TCF7L2: variants seen among roughly 807,000 people sequenced by gnomAD.
TCF7L2 encodes transcription factor 7-like 2.
A neutral mutation model predicts 77.9 loss-of-function variants in TCF7L2; 23 were observed. That is an observed-to-expected ratio of 0.30 (90% CI 0.21 to 0.42). The LOEUF is 0.42. Ranked by LOEUF, TCF7L2 falls within the 10% of genes least tolerant of loss-of-function variation. TCF7L2 has a pLI of 1.00. For synonymous variants in TCF7L2, 413 were observed against 340.2 expected, an observed-to-expected ratio of 1.21 and a Z score of -2.36; for missense variants, 654 against 793.1, an observed-to-expected ratio of 0.82 and a Z score of 2.11.
In TCF7L2 at chr10:113,165,849, T is replaced by G. The variant is rs191419844; in HGVS notation, c.1686T>G (p.Ala562=). The change falls in exon 14 of 14, where the codon GCT becomes GCG. Residue 562 remains alanine (A), a synonymous_variant. Coordinates refer to ENST00000627217, the MANE Select transcript of TCF7L2 (RefSeq NM_001146274.2). Reference sequence around the variant, plus strand: ...GGGCCCTGGACCTGCCCCCAGCCGCTTTGCAGCCTGCCGCCCCCTCCTCAT... The same window carrying G: ...GGGCCCTGGACCTGCCCCCAGCCGCGTTGCAGCCTGCCGCCCCCTCCTCAT... 2.5e-4 allele frequency: 399 copies of G among 1,607,886 alleles called. 4 individuals carry two copies. The East Asian group carries it at 7.8e-3, about 32-fold the overall frequency.
rs1401953744 is a variant in TCF7L2 at position 113,060,644 on chromosome 10, A to G, written c.552+20518A>G. ...AGTCACTTCCTTAACCCAAATTACA[A>G]GCTAGAGCACAACTCCCCAGCCATA... is the stretch of plus-strand genomic sequence containing the variant. On this transcript the variant is annotated intron_variant, in intron 5 of 13. Coordinates refer to ENST00000627217, the MANE Select transcript of TCF7L2 (RefSeq NM_001146274.2). 3.3e-5 allele frequency among the ~76,000 whole-genome samples: 5 copies of G among 152,154 alleles called. No individual in the cohort carries two copies. In the East Asian group the frequency reaches 9.7e-4, roughly 29 times the overall value.
chr10:113,079,138 A>G (rs1403712479), intron 5 of TCF7L2, among the ~76,000 whole-genome samples: 1 of 152,210 alleles, frequency 6.6e-6, no homozygotes, highest in African/African-American at 2.4e-5. Flanking sequence ...TGGGCCAGCC[A>G]CAGCAGATTC....
At chr10:112,961,402 C>T (rs2035193374) in intron 3 of TCF7L2, among the ~76,000 whole-genome samples, 1 of 152,116 alleles carries the variant, frequency 6.6e-6, no homozygotes, top group Non-Finnish European at 1.5e-5. Flanking sequence ...CCAAAGCACA[C>T]AAATGGCCTA....
At chr10:113,136,054 G>C (rs565385071) in intron 5 of TCF7L2, among the ~76,000 whole-genome samples, 2 of 152,112 alleles carry the variant, frequency 1.3e-5, no homozygotes, top group South Asian at 2.1e-4. Flanking sequence ...GTGGAGGCAG[G>C]CAGGTGAGGC....
chr10:112,981,257 A>C (rs2040416638), intron 4 of TCF7L2, among the ~76,000 whole-genome samples: 1 of 152,000 alleles, frequency 6.6e-6, no homozygotes, highest in African/African-American at 2.4e-5. Flanking sequence ...TTGAGCAAGT[A>C]AAGGGCATCA....
chr10:113,094,965 C>G lies in TCF7L2; in HGVS notation c.553-46219C>G, dbSNP rs201772209. ...AAAACACTGTCTCTACTAAAAAATA[C>G]AAAAATTAGCTGGGTACGTGGTCCC... On this transcript the variant is annotated intron_variant, in intron 5 of 13. Coordinates refer to ENST00000627217, the MANE Select transcript of TCF7L2 (RefSeq NM_001146274.2). Among the ~76,000 whole-genome samples, 3 of 152,162 alleles carry G rather than the reference C, an allele frequency of 2.0e-5. No homozygotes were observed. The East Asian group carries it at 5.8e-4, about 29-fold the overall frequency.
chr10:113,044,910 T>C (rs1485490459), intron 5 of TCF7L2, among the ~76,000 whole-genome samples: 3 of 152,092 alleles, frequency 2.0e-5, no homozygotes, highest in African/African-American at 7.2e-5. Context: ...TTGAGCAGGT[T>C]GGCTGTTTCT....
At chr10:113,065,807 C>T (rs1444116296) in intron 5 of TCF7L2, among the ~76,000 whole-genome samples, 2 of 152,142 alleles carry the variant, frequency 1.3e-5, no homozygotes, top group Non-Finnish European at 2.9e-5. Context: ...TTGTGAGGCT[C>T]AGGTGGTCTG....
At chr10:113,158,139 A>G (rs1420139249) in intron 12 of TCF7L2, 70 bp downstream of exon 12, 46 of 1,514,250 alleles carry the variant, frequency 3.0e-5, no homozygotes, top group Non-Finnish European at 4.1e-5. Context: ...TTAGGTTTCC[A>G]TCTGGGGGAG....
At chr10:113,033,179 C>T (rs988193219) in intron 4 of TCF7L2, among the ~76,000 whole-genome samples, 2 of 150,942 alleles carry the variant, frequency 1.3e-5, no homozygotes, top group Non-Finnish European at 3.0e-5. Context: ...TCCCTCCCTC[C>T]CTCCTTTCCT....
chr10:112,964,760 A>ATGG (rs1386228076), intron 4 of TCF7L2, 136 bp downstream of exon 4: 3 of 407,120 alleles, frequency 7.4e-6, no homozygotes, highest in South Asian at 2.0e-5. Flanking sequence ...GGTGGTGGTG[A>ATGG]TGGTGGTGGT....
At chr10:113,079,781 C>T (rs1221920994) in intron 5 of TCF7L2, among the ~76,000 whole-genome samples, 1 of 151,828 alleles carries the variant, frequency 6.6e-6, no homozygotes, top group African/African-American at 2.4e-5. Context: ...CCTCAGTTAC[C>T]CAAGTAGCTG....
intron 5 of TCF7L2, among the ~76,000 whole-genome samples, chr10:113,078,842 T>G (rs1241431829): frequency 6.6e-6 from 1 of 152,002 alleles, no homozygotes; most frequent in Admixed American, 6.6e-5. Context: ...TTTTGTTTTT[T>G]TTTTTTCTGA....
intron 4 of TCF7L2, among the ~76,000 whole-genome samples, chr10:113,014,815 C>G (rs2047067808): frequency 6.6e-6 from 1 of 152,038 alleles, no homozygotes; most frequent in African/African-American, 2.4e-5. Flanking sequence ...CAAACAAAAA[C>G]TAAAAGGAGA....
chr10:113,006,792 G>A (rs1387313014), intron 4 of TCF7L2, among the ~76,000 whole-genome samples: 1 of 152,176 alleles, frequency 6.6e-6, no homozygotes, highest in African/African-American at 2.4e-5. Flanking sequence ...CATGCCCTGT[G>A]GGGCAAAGCC....
rs554170948 is a variant in TCF7L2, at chr10:112,988,363, T to G, written c.450+23739T>G. Among the ~76,000 whole-genome samples the G allele has an allele frequency of 7.8e-4, 119 of 152,292 alleles. 3 individuals are homozygous for G. In the South Asian group the frequency reaches 0.024, roughly 31 times the overall value. Reference sequence around the variant, plus strand: ...ATCCACCCGCCTTAGCCTCCCAAAGTGCTGGGATTACAGGCGTGAGCCACT... The same window carrying G: ...ATCCACCCGCCTTAGCCTCCCAAAGGGCTGGGATTACAGGCGTGAGCCACT... On this transcript the variant is annotated intron_variant, in intron 4 of 13. Coordinates refer to ENST00000627217, the MANE Select transcript of TCF7L2 (RefSeq NM_001146274.2).
intron 5 of TCF7L2, among the ~76,000 whole-genome samples, chr10:113,079,159 T>G (rs1180796543): frequency 6.6e-6 from 1 of 152,238 alleles, no homozygotes; most frequent in African/African-American, 2.4e-5. Flanking sequence ...TGACAGGTGA[T>G]GCCCTTGCCA....
chr10:113,049,371 C>G (rs1003063351), intron 5 of TCF7L2, among the ~76,000 whole-genome samples: 1 of 152,052 alleles, frequency 6.6e-6, no homozygotes, highest in Non-Finnish European at 1.5e-5. Flanking sequence ...TTACTTAGGC[C>G]TCAAACCTTG....
At chr10:112,951,724 C>G (rs2031496877) in intron 3 of TCF7L2, 117 bp downstream of exon 3, 1 of 400,624 alleles carries the variant, frequency 2.5e-6, no homozygotes, top group African/African-American at 2.3e-5. Flanking sequence ...GCCTCCTCCC[C>G]TCCCTCCCTC....
Sources: gnomAD v4.1 joint callset for allele counts (sites outside exome capture counted in the v4.1 genomes callset) on GRCh38, gnomAD v4.1.1 for gene constraint, MANE v1.5 for transcripts, NCBI Gene and HGNC (gene_info 2026-07-23, HGNC 2026-07-21) for gene names.